SHISA9: variants seen among roughly 807,000 people sequenced by gnomAD.
SHISA9 encodes shisa family member 9, also known as protein shisa-9.
A neutral mutation model predicts 38.0 loss-of-function variants in SHISA9; 13 were observed. The observed-to-expected ratio is 0.34, with a 90% CI of 0.22 to 0.54. SHISA9 has a LOEUF of 0.54. SHISA9 is among the 20% of genes least tolerant of loss of function. The pLI is 0.91. For synonymous variants in SHISA9, 275 were observed against 242.0 expected, an observed-to-expected ratio of 1.14 and a Z score of -1.27; for missense variants, 538 against 575.8, an observed-to-expected ratio of 0.93 and a Z score of 0.67.
At chr16:13,368,725 G>A in the SHISA9 span, among the ~76,000 whole-genome samples, 1 of 123,622 alleles carries the variant, frequency 8.1e-6, no homozygotes, top group Non-Finnish European at 1.7e-5. Context: ...TGACCTCCAA[G>A]GCAAGATATG....
At chr16:13,373,290 C>G in the SHISA9 span, among the ~76,000 whole-genome samples, 1 of 152,190 alleles carries the variant, frequency 6.6e-6, no homozygotes, top group African/African-American at 2.4e-5. Flanking sequence ...GTTGCAAACA[C>G]TTGGGTATAG....
At chr16:13,061,588 G>T (rs1185252621) in intron 2 of SHISA9, among the ~76,000 whole-genome samples, 1 of 152,166 alleles carries the variant, frequency 6.6e-6, no homozygotes, top group African/African-American at 2.4e-5. Flanking sequence ...CTCAACATAT[G>T]TATTGAGGAC....
chr16:13,285,813 T>A, the SHISA9 span, among the ~76,000 whole-genome samples: 2 of 152,198 alleles, frequency 1.3e-5, no homozygotes, highest in African/African-American at 4.8e-5. Flanking sequence ...ATTGCCAATC[T>A]CTTCAGGCTG....
intron 2 of SHISA9, among the ~76,000 whole-genome samples, chr16:13,016,694 C>A (rs1425403203): frequency 6.6e-6 from 1 of 152,090 alleles, no homozygotes; most frequent in Non-Finnish European, 1.5e-5. Flanking sequence ...ATTTATTTTT[C>A]TGGCCTATGA....
In SHISA9 at chr16:13,235,410, G is replaced by A. The variant is rs200836423; in HGVS notation, c.*1G>A. On this transcript the variant is annotated 3_prime_UTR_variant, in exon 5 of 5. Transcript: ENST00000558583. ...CAGCAAAACAGAAGTGACTGTCTGA[G>A]CTTTCACCACAGGGAGCACCCTGGA... 5 of 1,534,610 alleles carry A rather than the reference G, an allele frequency of 3.3e-6. No individual in the cohort carries two copies. The highest frequency in any genetic ancestry group is 4.4e-6 in the Non-Finnish European group (5 of 1,145,062).
At chr16:13,472,628 G>A in the SHISA9 span, among the ~76,000 whole-genome samples, 4 of 151,818 alleles carry the variant, frequency 2.6e-5, no homozygotes, top group African/African-American at 7.3e-5. Flanking sequence ...TCCTGACCTC[G>A]TGATCCGCCC....
the SHISA9 span, among the ~76,000 whole-genome samples, chr16:13,323,095 C>T: frequency 6.6e-6 from 1 of 152,112 alleles, no homozygotes; most frequent in Non-Finnish European, 1.5e-5. Context: ...CTTTGACTTT[C>T]TTCTTTCAAA....
intron 2 of SHISA9, among the ~76,000 whole-genome samples, chr16:13,169,335 A>G (rs1182270275): frequency 2.0e-5 from 3 of 152,246 alleles, no homozygotes; most frequent in East Asian, 3.9e-4. Flanking sequence ...AGGAAGACAG[A>G]TGCGTTCCCT....
At chr16:13,505,185 T>A in the SHISA9 span, among the ~76,000 whole-genome samples, 2 of 152,148 alleles carry the variant, frequency 1.3e-5, no homozygotes, top group African/African-American at 4.8e-5. Flanking sequence ...TTCTGAAATA[T>A]CAGAAAAGAT....
chr16:13,356,364 T>G, the SHISA9 span, among the ~76,000 whole-genome samples: 1 of 152,188 alleles, frequency 6.6e-6, no homozygotes, highest in Non-Finnish European at 1.5e-5. Flanking sequence ...TGAACTGGGC[T>G]GGATTTTTAT....
At chr16:13,509,168 T>G in the SHISA9 span, among the ~76,000 whole-genome samples, 1 of 152,088 alleles carries the variant, frequency 6.6e-6, no homozygotes, top group Non-Finnish European at 1.5e-5. Flanking sequence ...GAACTTATGA[T>G]GTTACCTTTA....
the SHISA9 span, among the ~76,000 whole-genome samples, chr16:13,412,457 C>T: frequency 2.6e-5 from 4 of 152,230 alleles, no homozygotes; most frequent in East Asian, 1.9e-4. Context: ...TACGTTCTTT[C>T]TCCCTTCCTT....
chr16:13,244,527 A>T (rs1447962924), downstream of SHISA9, among the ~76,000 whole-genome samples: 1 of 152,226 alleles, frequency 6.6e-6, no homozygotes, highest in Non-Finnish European at 1.5e-5. Flanking sequence ...TTACTTTATC[A>T]TAAGCACACA....
the SHISA9 span, among the ~76,000 whole-genome samples, chr16:13,393,329 C>A: frequency 6.6e-6 from 1 of 152,192 alleles, no homozygotes; most frequent in African/African-American, 2.4e-5. Context: ...CCAGCATTTT[C>A]ACTTTGCACT....
chr16:13,192,964 A>G (rs35924714), intron 2 of SHISA9, among the ~76,000 whole-genome samples: 77,442 of 151,372 alleles, frequency 0.51, 20,898 homozygotes, highest in African/African-American at 0.7. Flanking sequence ...AGGAGGAGGA[A>G]AAGAAGAAGA....
At chr16:13,137,295 C>T (rs1024927800) in intron 2 of SHISA9, among the ~76,000 whole-genome samples, 1 of 151,946 alleles carries the variant, frequency 6.6e-6, no homozygotes, top group African/African-American at 2.4e-5. Context: ...AGTCTGAGTT[C>T]ATGAAAAAAT....
At chr16:13,548,610 G>T in the SHISA9 span, among the ~76,000 whole-genome samples, 1 of 152,134 alleles carries the variant, frequency 6.6e-6, no homozygotes, top group South Asian at 2.1e-4. Context: ...TTTTTTAGAT[G>T]CTCAACATCA....
At chr16:13,475,886 T>C in the SHISA9 span, among the ~76,000 whole-genome samples, 1 of 152,142 alleles carries the variant, frequency 6.6e-6, no homozygotes, top group Non-Finnish European at 1.5e-5. Context: ...ACAATAGGGT[T>C]CGTGCTCCTA....
chr16:13,049,344 C>T (rs1194031325), intron 2 of SHISA9, among the ~76,000 whole-genome samples: 2 of 152,150 alleles, frequency 1.3e-5, no homozygotes, highest in African/African-American at 4.8e-5. Flanking sequence ...ATCAGGTTGA[C>T]CAGATGACGT....
Sources: allele counts gnomAD v4.1 joint callset (sites outside exome capture counted in the v4.1 genomes callset), GRCh38; gene constraint gnomAD v4.1.1; transcripts MANE v1.5; gene names NCBI Gene and HGNC (gene_info 2026-07-23, HGNC 2026-07-21).